NRG3: variants seen among roughly 807,000 people sequenced by gnomAD.
The protein encoded by NRG3 is neuregulin 3, also known as pro-neuregulin-3, membrane-bound isoform.
A neutral mutation model predicts 66.9 loss-of-function variants in NRG3; 31 were observed. The ratio of observed to expected loss-of-function variants is 0.46; its 90% confidence interval spans 0.35 to 0.63. NRG3 has a LOEUF of 0.63. NRG3 is among the 20% of genes least tolerant of loss of function. NRG3 has a pLI of 0.00. For synonymous variants in NRG3, 393 were observed against 359.4 expected, an observed-to-expected ratio of 1.09 and a Z score of -1.06; for missense variants, 910 against 878.9, an observed-to-expected ratio of 1.04 and a Z score of -0.45.
At chr10:82,233,067 T>G in intron 1 of NRG3, 1 of 468,950 alleles carries the variant, frequency 2.1e-6, no homozygotes. Flanking sequence ...GTCCCTTTCC[T>G]ATCTTAAGTA....
chr10:82,403,564 T>G (rs1372787514), intron 2 of NRG3, among the ~76,000 whole-genome samples: 3 of 152,194 alleles, frequency 2.0e-5, no homozygotes, highest in Admixed American at 6.6e-5. Flanking sequence ...CAATGACATC[T>G]ATTTTAATGC....
At chr10:82,272,119 G>T (rs1028461164) in intron 1 of NRG3, among the ~76,000 whole-genome samples, 2 of 152,064 alleles carry the variant, frequency 1.3e-5, no homozygotes, top group Admixed American at 1.3e-4. Flanking sequence ...TAAGATGATG[G>T]AGTAGAGATG....
rs186328737 is a variant in NRG3, at chr10:82,382,087, T to A, written c.953+23219T>A. ...TATAATTTGATAATTTAAAAATTTT[T>A]AAAAACATATTTTCCTGTTTTATAA... is the stretch of plus-strand genomic sequence containing the variant. On this transcript the variant is annotated intron_variant, in intron 2 of 8. Coordinates refer to ENST00000372141, the MANE Select transcript of NRG3 (RefSeq NM_001010848.4). 2.8e-4 allele frequency among the ~76,000 whole-genome samples: 42 copies of A among 152,200 alleles called. No individual in the cohort carries two copies. In the East Asian group the frequency reaches 6.4e-3, roughly 23 times the overall value.
At chr10:82,202,984 T>C (rs1215753043) in intron 1 of NRG3, among the ~76,000 whole-genome samples, 1 of 152,222 alleles carries the variant, frequency 6.6e-6, no homozygotes, top group Non-Finnish European at 1.5e-5. Context: ...TAGGAGTATG[T>C]GTTAGATTAA....
intron 1 of NRG3, among the ~76,000 whole-genome samples, chr10:82,284,359 G>T (rs144601271): frequency 6.6e-6 from 1 of 152,172 alleles, no homozygotes; most frequent in East Asian, 1.9e-4. Flanking sequence ...AGCAGTTATG[G>T]GTCTATATCA....
Position 82,188,723 on chromosome 10 carries a change from CAAAGAAG to C in NRG3, c.824-170015_824-170009del, listed in dbSNP as rs1403066548. ...AAAGGTGCTCAACATCATTGATCAT[CAAAGAAG>C]TGCACATTAAAACTACAATGAGATA... On this transcript the variant is annotated intron_variant, in intron 1 of 8. Coordinates refer to ENST00000372141, the MANE Select transcript of NRG3 (RefSeq NM_001010848.4). Among the ~76,000 whole-genome samples, 3 of 152,134 alleles carry C rather than the reference CAAAGAAG, an allele frequency of 2.0e-5. No individual in the cohort carries two copies. In the East Asian group the frequency reaches 5.8e-4, roughly 29 times the overall value.
At chr10:81,896,407 A>T (rs1274790865) in intron 1 of NRG3, among the ~76,000 whole-genome samples, 1 of 152,178 alleles carries the variant, frequency 6.6e-6, no homozygotes, top group Admixed American at 6.5e-5. Flanking sequence ...TGTTTTTAAG[A>T]ACTGGTGCTC....
chr10:82,379,239 A>G (rs2085454092), intron 2 of NRG3, among the ~76,000 whole-genome samples: 2 of 151,950 alleles, frequency 1.3e-5, no homozygotes, highest in African/African-American at 4.8e-5. Context: ...CCACTCTAAC[A>G]CCGTAGGAGG....
chr10:82,625,772 G>A (rs1224485952), intron 2 of NRG3, among the ~76,000 whole-genome samples: 2 of 152,172 alleles, frequency 1.3e-5, no homozygotes, highest in East Asian at 3.9e-4. Flanking sequence ...GAAACATATT[G>A]TATGTTGGTT....
At chr10:82,706,038 G>A (rs961780248) in intron 2 of NRG3, among the ~76,000 whole-genome samples, 1 of 152,040 alleles carries the variant, frequency 6.6e-6, no homozygotes, top group African/African-American at 2.4e-5. Flanking sequence ...GGAGCTGTAG[G>A]GACAGCTCCA....
At chr10:82,196,991 A>G (rs529019155) in intron 1 of NRG3, among the ~76,000 whole-genome samples, 1 of 152,314 alleles carries the variant, frequency 6.6e-6, no homozygotes, top group Non-Finnish European at 1.5e-5. Context: ...TTGTCTAGTG[A>G]GTAGAAATAG....
rs189745468 is a variant in NRG3 at position 82,067,155 on chromosome 10, G to A, written c.823+190992G>A. Among the ~76,000 whole-genome samples, 3 of 152,064 alleles carry A rather than the reference G, an allele frequency of 2.0e-5. No homozygotes were observed. The East Asian group carries it at 5.8e-4, about 29-fold the overall frequency. On this transcript the variant is annotated intron_variant, in intron 1 of 8. Coordinates refer to ENST00000372141, the MANE Select transcript of NRG3 (RefSeq NM_001010848.4). ...AACAGTGGAGCACTTCTATTTCATT[G>A]TCAAACCCAATTGACAAAAATTTGA...
rs1262067226 is a variant in NRG3, at chr10:82,971,819, T to A, written c.1285-1969T>A. Among the ~76,000 whole-genome samples the A allele has an allele frequency of 5.9e-5, 9 of 152,230 alleles. No homozygotes were observed. The East Asian group carries it at 1.3e-3, about 23-fold the overall frequency. ...TTATCACTTGGTAGATTGCTCATTCTATGAATATGAAATATCCATCTTTCT... is the reference window on the plus strand; with the variant it reads ...TTATCACTTGGTAGATTGCTCATTCAATGAATATGAAATATCCATCTTTCT... On this transcript the variant is annotated intron_variant, in intron 6 of 8. Transcript: ENST00000372141.
At chr10:82,432,824 C>T (rs1285490009) in intron 2 of NRG3, among the ~76,000 whole-genome samples, 4 of 152,152 alleles carry the variant, frequency 2.6e-5, no homozygotes, top group Non-Finnish European at 5.9e-5. Context: ...TATAGTGTTG[C>T]ATGGTGTATA....
intron 1 of NRG3, among the ~76,000 whole-genome samples, chr10:82,114,497 TAAGAAA>T (rs2067578119): frequency 6.6e-6 from 1 of 152,124 alleles, no homozygotes; most frequent in African/African-American, 2.4e-5. Flanking sequence ...GCTGTGCCTG[TAAGAAA>T]AGAGGGGTAG....
Position 82,951,493 on chromosome 10 carries a change from A to G in NRG3, c.1079A>G (p.Gln360Arg), listed in dbSNP as rs963368515. The G allele has an allele frequency of 2.5e-6, 4 of 1,613,926 alleles. No homozygotes were observed. The highest frequency in any genetic ancestry group is 3.4e-6 in the Non-Finnish European group (4 of 1,179,806). Residue 360 changes from glutamine to arginine, a missense_variant, in exon 5 of 9, where the codon CAG (glutamine) becomes CGG (arginine). Transcript: ENST00000372141. ...FMESEEVYQR[Q>R]VLSISCIIFG... Reference sequence around the variant, plus strand: ...GAGAGTGAAGAAGTTTATCAAAGGCAGGTGCTGTCAATTTCATGTATCATC... The same window carrying G: ...GAGAGTGAAGAAGTTTATCAAAGGCGGGTGCTGTCAATTTCATGTATCATC...
chr10:82,457,705 T>A (rs1273909010), intron 2 of NRG3, among the ~76,000 whole-genome samples: 1 of 152,172 alleles, frequency 6.6e-6, no homozygotes, highest in African/African-American at 2.4e-5. Context: ...CATATCATAA[T>A]TCAGCACACA....
At chr10:82,675,932 TAACAA>T (rs1367630786) in intron 2 of NRG3, among the ~76,000 whole-genome samples, 1 of 152,118 alleles carries the variant, frequency 6.6e-6, no homozygotes, top group Non-Finnish European at 1.5e-5. Context: ...CCTGAAAGGG[TAACAA>T]ATTCTATGAA....
chr10:82,421,943 G>A (rs1010114174), intron 2 of NRG3, among the ~76,000 whole-genome samples: 3 of 152,000 alleles, frequency 2.0e-5, no homozygotes, highest in Non-Finnish European at 2.9e-5. Flanking sequence ...AGTTGTCCAG[G>A]GAAAATAAAC....
Sources: gnomAD v4.1 joint callset for allele counts (sites outside exome capture counted in the v4.1 genomes callset) on GRCh38, gnomAD v4.1.1 for gene constraint, MANE v1.5 for transcripts, NCBI Gene and HGNC (gene_info 2026-07-23, HGNC 2026-07-21) for gene names.